Variants in CNPY3 observed in about 807,000 individuals in gnomAD.
The protein encoded by CNPY3 is protein canopy homolog 3.
CNPY3 carries 20 observed loss-of-function variants against 32.0 expected under a neutral mutation model. The ratio of observed to expected loss-of-function variants is 0.63; its 90% CI spans 0.44 to 0.91. The LOEUF (loss-of-function observed/expected upper bound fraction) is 0.91. Among genes scored for constraint, CNPY3 ranks in the 40% least tolerant of loss-of-function variants. The pLI is 0.00. For missense variants in CNPY3, 299 were observed against 340.8 expected (o/e 0.88, Z 0.97); for synonymous variants, 138 against 142.9 (o/e 0.97, Z 0.24).
chr6:42,934,750 T>C (rs1481374917), intron 2 of CNPY3, 152 bp downstream of exon 2: 10 of 977,276 alleles, frequency 1.0e-5, no homozygotes, highest in Non-Finnish European at 1.5e-5. Flanking sequence ...CCCCAGCTAA[T>C]TGGGTGACGT....
At chr6:42,935,722 C>G in intron 3 of CNPY3, 52 bp downstream of exon 3, 1 of 1,561,426 alleles carries the variant, frequency 6.4e-7, no homozygotes, top group Non-Finnish European at 8.8e-7. Context: ...CTGCATGTAT[C>G]TTAGTGTGTC....
At chr6:42,931,494 C>T (rs778313765) in intron 1 of CNPY3, among the ~76,000 whole-genome samples, 9 of 151,670 alleles carry the variant, frequency 5.9e-5, no homozygotes, top group Non-Finnish European at 1.2e-4. Flanking sequence ...CTCAGCCTCC[C>T]GAGTAGGTGG....
At chr6:42,935,330 CTAAA>C in intron 2 of CNPY3, 1 of 739,028 alleles carries the variant, frequency 1.4e-6, no homozygotes, top group South Asian at 6.1e-5. Flanking sequence ...ATCAAAAAAT[CTAAA>C]TACTGAATCA....
At position 42,938,876 on chromosome 6, in the gene CNPY3, C is replaced by G; in HGVS notation, c.*85C>G. On this transcript the variant is annotated 3_prime_UTR_variant, in exon 6 of 6. Coordinates refer to ENST00000372836, the MANE Select transcript of CNPY3 (RefSeq NM_006586.5). Reference sequence around the variant, plus strand: ...TGGCTCTGGCAGGCCGGGATGGCCCCGCAGCCTTCAGCCCCTCCTTGCCTT... The same window carrying G: ...TGGCTCTGGCAGGCCGGGATGGCCCGGCAGCCTTCAGCCCCTCCTTGCCTT... The G allele has an allele frequency of 1.4e-6, 2 of 1,460,768 alleles. No individual in the cohort carries two copies. Among genetic ancestry groups the G allele is most frequent in the Non-Finnish European group, 1.8e-6 (2 of 1,101,786 alleles). The allele number at this position is 1,460,768 out of a possible 1,614,324, so 90.5% of individuals were successfully genotyped here.
At chr6:42,937,674 A>C (rs1384396343) in intron 3 of CNPY3, 43 bp from the exon 4 acceptor site, 6 of 1,609,296 alleles carry the variant, frequency 3.7e-6, no homozygotes, top group Admixed American at 1.7e-5. Flanking sequence ...GGTGGGAGGG[A>C]GAGAAGGGAG....
intron 4 of CNPY3, 105 bp from the exon 5 acceptor site, chr6:42,937,985 C>A: frequency 1.4e-6 from 2 of 1,440,928 alleles, no homozygotes; most frequent in Non-Finnish European, 1.9e-6. Flanking sequence ...TTAGGTGAAC[C>A]GCTGCCACTG....
chr6:42,930,742 C>T (rs1767733241), intron 1 of CNPY3, among the ~76,000 whole-genome samples: 1 of 152,176 alleles, frequency 6.6e-6, no homozygotes, highest in Non-Finnish European at 1.5e-5. Context: ...GTTCCCTAAA[C>T]ACTGGAAAGT....
rs145546448 is a variant in CNPY3 at position 42,930,874 on chromosome 6, G to A, written c.151+1153G>A. Among the ~76,000 whole-genome samples the A allele has an allele frequency of 2.6e-5, 4 of 151,884 alleles. No homozygotes were observed. In the East Asian group the frequency reaches 7.7e-4, roughly 29 times the overall value. On this transcript the variant is annotated intron_variant, in intron 1 of 5. Transcript: ENST00000372836. ...TGAGTTCAAGCCTGTGCCTTCCCCC[G>A]TACATTCTTTTCTTTTTTTCCTTTT...
chr6:42,928,870 A>G (rs1353683714), upstream of CNPY3, among the ~76,000 whole-genome samples: 1 of 152,172 alleles, frequency 6.6e-6, no homozygotes, highest in Non-Finnish European at 1.5e-5. Flanking sequence ...TAGGAGGATC[A>G]CTTTGTCGTC....
chr6:42,929,464 G>GCTCGGAGGCACGTGTGCAGT, upstream of CNPY3: 1 of 1,204,042 alleles, frequency 8.3e-7, no homozygotes, highest in South Asian at 1.6e-5. Context: ...TGTCGTGGTT[G>GCTCGGAGGCACGTGTGCAGT]CTCGGAGGCA....
chr6:42,937,174 A>T (rs183524251), intron 3 of CNPY3, among the ~76,000 whole-genome samples: 123 of 152,204 alleles, frequency 8.1e-4, no homozygotes, highest in East Asian at 1.4e-3. Flanking sequence ...TATTTCCTGG[A>T]AAAGAAGCAT....
At chr6:42,929,978 TG>T (rs1230468190) in intron 1 of CNPY3, among the ~76,000 whole-genome samples, 1 of 123,210 alleles carries the variant, frequency 8.1e-6, no homozygotes, top group Non-Finnish European at 1.7e-5. Flanking sequence ...AGCTTCCTTT[TG>T]GGGGCCGGAC....
intron 1 of CNPY3, among the ~76,000 whole-genome samples, chr6:42,930,166 C>T (rs922624280): frequency 6.6e-5 from 10 of 152,118 alleles, no homozygotes; most frequent in African/African-American, 2.2e-4. Context: ...GGCCTGCCGG[C>T]TGAGAAGCTA....
rs182374312 is a variant in CNPY3 at position 42,931,885 on chromosome 6, G to A, written c.151+2164G>A. On this transcript the variant is annotated intron_variant, in intron 1 of 5. Coordinates refer to ENST00000372836, the MANE Select transcript of CNPY3 (RefSeq NM_006586.5). ...ATTACAGGCACCTGCCATCATGCCC[G>A]GGTAATTTTTGTATTTTTGTAGAGA... Among the ~76,000 whole-genome samples the A allele has an allele frequency of 2.4e-3, 360 of 151,434 alleles. 6 individuals are homozygous for A. Among genetic ancestry groups the A allele is most frequent in the Non-Finnish European group, 9.4e-4 (64 of 67,868 alleles).
rs540154929 is a variant in CNPY3, at chr6:42,931,440, G to A, written c.151+1719G>A. 8.1e-5 allele frequency among the ~76,000 whole-genome samples: 12 copies of A among 148,478 alleles called. No homozygotes were observed. The South Asian group carries it at 2.6e-3, about 32-fold the overall frequency. ...GTCTGGAGTGCAGTGGTGCGACCTTGACTCGCTGCAACCTCCGTCCCCCAG... is the reference window on the plus strand; with the variant it reads ...GTCTGGAGTGCAGTGGTGCGACCTTAACTCGCTGCAACCTCCGTCCCCCAG... On this transcript the variant is annotated intron_variant, in intron 1 of 5. Coordinates refer to ENST00000372836, the MANE Select transcript of CNPY3 (RefSeq NM_006586.5).
chr6:42,932,671 A>G lies in CNPY3; in HGVS notation c.152-1804A>G, dbSNP rs571257568. Among the ~76,000 whole-genome samples, 479 of 152,318 alleles carry G rather than the reference A, an allele frequency of 3.1e-3. 2 individuals carry two copies. The highest frequency in any genetic ancestry group is 0.011 in the African/African-American group (450 of 41,556). ...GTGCCTGCACAGAGTACAGGACAGA[A>G]GAGGGGAGGGAGCCCAGATGGTCCT... is the stretch of plus-strand genomic sequence containing the variant. On this transcript the variant is annotated intron_variant, in intron 1 of 5. Transcript: ENST00000372836.
At position 42,931,456 on chromosome 6, in the gene CNPY3, C is replaced by T. The variant is rs545593545; in HGVS notation, c.151+1735C>T. The stretch of plus-strand genomic sequence containing the variant: ...TGCGACCTTGACTCGCTGCAACCTC[C>T]GTCCCCCAGGTTCAAGGATTCTTCT... On this transcript the variant is annotated intron_variant, in intron 1 of 5. Transcript: ENST00000372836. Among the ~76,000 whole-genome samples the T allele has an allele frequency of 1.3e-3, 198 of 151,682 alleles. 1 individual carries two copies. Among genetic ancestry groups the T allele is most frequent in the Admixed American group, 2.8e-3 (43 of 15,218 alleles).
At chr6:42,937,285 C>T (rs1209796141) in intron 3 of CNPY3, among the ~76,000 whole-genome samples, 2 of 151,982 alleles carry the variant, frequency 1.3e-5, no homozygotes, top group Admixed American at 6.6e-5. Context: ...GGAAGCAGGC[C>T]TAAAAGAGGG....
At chr6:42,936,669 G>A (rs1018682481) in intron 3 of CNPY3, among the ~76,000 whole-genome samples, 1 of 152,114 alleles carries the variant, frequency 6.6e-6, no homozygotes, top group Non-Finnish European at 1.5e-5. Flanking sequence ...CTGAGTAGCT[G>A]GGATTACAGG....
Sources: gnomAD v4.1 joint callset for allele counts (sites outside exome capture counted in the v4.1 genomes callset) on GRCh38, gnomAD v4.1.1 for gene constraint, MANE v1.5 for transcripts, NCBI Gene and HGNC (gene_info 2026-07-23, HGNC 2026-07-21) for gene names.